The following PIP4K2C variants were observed in gnomAD, a reference collection of about 807,000 sequenced individuals.
The protein encoded by PIP4K2C is phosphatidylinositol-5-phosphate 4-kinase type 2 gamma, also known as phosphatidylinositol 5-phosphate 4-kinase type-2 gamma.
Under a neutral mutation model 45.0 loss-of-function variants are expected in PIP4K2C, and 21 were observed. The observed-to-expected ratio is 0.47, with a 90% confidence interval of 0.33 to 0.67. PIP4K2C has a LOEUF of 0.67. PIP4K2C is among the 30% of genes least tolerant of loss of function. The probability of loss-of-function intolerance (pLI) is 0.02; values close to 1 mark genes in which losing one functional copy is unlikely to be tolerated. For synonymous variants in PIP4K2C, 201 were observed against 204.8 expected (o/e 0.98, Z 0.16); for missense variants, 456 against 542.8 (o/e 0.84, Z 1.59).
At chr12:57,597,186 ATG>A (rs1375902902) in intron 4 of PIP4K2C, among the ~76,000 whole-genome samples, 1 of 152,220 alleles carries the variant, frequency 6.6e-6, no homozygotes, top group African/African-American at 2.4e-5. Flanking sequence ...TATTTAGAAA[ATG>A]TGACAGCGTT....
chr12:57,598,091 T>G (rs1883267685), intron 4 of PIP4K2C: 1 of 152,190 alleles, frequency 6.6e-6, no homozygotes, highest in Non-Finnish European at 1.5e-5. Flanking sequence ...ATTTTTGTTT[T>G]TTAGAGACAG....
intron 2 of PIP4K2C, 102 bp downstream of exon 2, chr12:57,594,224 A>C: frequency 3.3e-6 from 3 of 917,028 alleles, no homozygotes; most frequent in South Asian, 1.7e-5. Context: ...TCCTTCCCAA[A>C]TGCAGAAATT....
intron 2 of PIP4K2C, 73 bp downstream of exon 2, chr12:57,594,195 G>T (rs936881166): frequency 2.4e-6 from 3 of 1,254,586 alleles, no homozygotes; most frequent in Admixed American, 2.6e-5. Context: ...AAAAGTTTCA[G>T]TGAGTTGAAA....
At chr12:57,597,125 T>G (rs531504365) in intron 4 of PIP4K2C, among the ~76,000 whole-genome samples, 35 of 152,280 alleles carry the variant, frequency 2.3e-4, no homozygotes, top group Admixed American at 1.8e-3. Context: ...AGTTTGGACT[T>G]TATCCTGAAG....
Position 57,595,135 on chromosome 12 carries a change from G to C in PIP4K2C, c.282G>C (p.Leu94=). Residue 94 remains leucine, a synonymous_variant, in exon 3 of 10, where the codon CTG becomes CTC. Transcript: ENST00000354947. ...VNNHLFHREN[L]PSHFKFKEYC... Reference sequence around the variant, plus strand: ...AAAACCTGAATTTCAGGGAAAATCTGCCCAGTCATTTCAAGTTCAAGGAGT... The same window carrying C: ...AAAACCTGAATTTCAGGGAAAATCTCCCCAGTCATTTCAAGTTCAAGGAGT... The C allele has an allele frequency of 6.2e-7, 1 of 1,602,890 alleles. No homozygotes were observed. The highest frequency in any genetic ancestry group is 1.1e-5 in the South Asian group (1 of 90,796).
At position 57,600,949 on chromosome 12, in the gene PIP4K2C, C is replaced by A; in HGVS notation, c.952C>A (p.Pro318Thr). ...GGATGGGGACTGCAGCCTGACTGGA[C>A]CTCCTGCTCTGGTGGGCTCCTATGG... is the stretch of plus-strand genomic sequence containing the variant. Reference protein sequence around the residue: ...EVDGDCSLTGPPALVGSYGTS... With the variant: ...EVDGDCSLTGTPALVGSYGTS... The change falls in exon 8 of 10, where the codon CCT (proline) becomes ACT (threonine). Residue 318 changes from proline to threonine, a missense_variant. Coordinates refer to ENST00000354947, the MANE Select transcript of PIP4K2C (RefSeq NM_024779.5). The A allele has an allele frequency of 1.9e-6, 3 of 1,614,206 alleles. No individual in the cohort carries two copies. Among genetic ancestry groups the A allele is most frequent in the Non-Finnish European group, 2.5e-6 (3 of 1,180,048 alleles).
rs750325477 is a variant in PIP4K2C at position 57,595,944 on chromosome 12, T to C, written c.426T>C (p.Leu142=). Reference sequence around the variant, plus strand: ...GTGAAGGCAGTGATGGTCGCTTCCTTATCTCCTACGATCGGACTCTGGTCA... The same window carrying C: ...GTGAAGGCAGTGATGGTCGCTTCCTCATCTCCTACGATCGGACTCTGGTCA... ...SESEGSDGRF[L]ISYDRTLVIK... The change falls in exon 4 of 10, where the codon CTT becomes CTC. Residue 142 remains leucine (L), a synonymous_variant. Coordinates refer to ENST00000354947, the MANE Select transcript of PIP4K2C (RefSeq NM_024779.5). 2.5e-6 allele frequency: 4 copies of C among 1,613,930 alleles called. No homozygotes were observed. In the African/African-American group the frequency reaches 4.0e-5, roughly 16 times the overall value.
At position 57,601,546 on chromosome 12, in the gene PIP4K2C, T is replaced by C; in HGVS notation, c.1206T>C (p.Thr402=). The change falls in exon 10 of 10, where the codon ACT becomes ACC. Residue 402 remains threonine (T), a synonymous_variant. Transcript: ENST00000354947. ...VKHGAGAEIS[T]VHPEQYAKRF... is the part of the protein sequence containing the mutation. ...CACAGGCTGGGGCAGAGATCTCTAC[T>C]GTCCATCCGGAGCAGTATGCTAAGC... 6.2e-7 allele frequency: 1 copy of C among 1,613,452 alleles called. No homozygotes were observed. The highest frequency in any genetic ancestry group is 8.5e-7 in the Non-Finnish European group (1 of 1,179,384).
At chr12:57,592,658 C>T (rs565999670) in intron 1 of PIP4K2C, among the ~76,000 whole-genome samples, 1 of 152,068 alleles carries the variant, frequency 6.6e-6, no homozygotes, top group Non-Finnish European at 1.5e-5. Flanking sequence ...GGATGCTTAA[C>T]AGGGAGGGTT....
chr12:57,601,255 G>A lies in PIP4K2C; in HGVS notation c.1092G>A (p.Gln364=), dbSNP rs768441532. ...TGGTCTCTCTCCCAGGAGCCCCCCA[G>A]AAGGAGGTCTACTTCATGGGCCTCA... is the stretch of plus-strand genomic sequence containing the variant. ...YAIRSAEGAP[Q]KEVYFMGLID... is the part of the protein sequence containing the mutation. The change falls in exon 9 of 10, where the codon CAG becomes CAA. Residue 364 remains glutamine, a synonymous_variant. Coordinates refer to ENST00000354947, the MANE Select transcript of PIP4K2C (RefSeq NM_024779.5). 1.2e-6 allele frequency: 2 copies of A among 1,612,754 alleles called. No individual in the cohort carries two copies. The highest frequency in any genetic ancestry group is 1.7e-5 in the Admixed American group (1 of 59,914).
intron 2 of PIP4K2C, among the ~76,000 whole-genome samples, chr12:57,594,618 A>G (rs1883109374): frequency 6.6e-6 from 1 of 152,210 alleles, no homozygotes; most frequent in Non-Finnish European, 1.5e-5. Flanking sequence ...TAGGCAGGTC[A>G]CTGAATCACT....
chr12:57,593,352 C>G (rs565207046), intron 1 of PIP4K2C, among the ~76,000 whole-genome samples: 1 of 152,206 alleles, frequency 6.6e-6, no homozygotes, highest in South Asian at 2.1e-4. Flanking sequence ...ATGCTTGTGT[C>G]CTTTGGGCTG....
Position 57,600,964 on chromosome 12 carries a change from G to T in PIP4K2C, c.967G>T (p.Gly323Cys). 1 of 1,614,212 alleles carries T rather than the reference G, an allele frequency of 6.2e-7. No individual in the cohort carries two copies. The highest frequency in any genetic ancestry group is 8.5e-7 in the Non-Finnish European group (1 of 1,180,054). ...CSLTGPPALV[G>C]SYGTSPEGIG... Reference sequence around the variant, plus strand: ...CCTGACTGGACCTCCTGCTCTGGTGGGCTCCTATGGCACCTCCCCAGAGGG... The same window carrying T: ...CCTGACTGGACCTCCTGCTCTGGTGTGCTCCTATGGCACCTCCCCAGAGGG... The change falls in exon 8 of 10, where the codon GGC becomes TGC. Residue 323 changes from glycine to cysteine, a missense_variant. By Grantham distance (159) the Gly-to-Cys change is radical. Around this residue, in one of 2 missense-constraint regions of PIP4K2C, gnomAD observed 421 missense variants for 473.1 expected, o/e 0.89. Transcript: ENST00000354947.
In PIP4K2C at chr12:57,600,431, T is replaced by C; in HGVS notation, c.807T>C (p.Asp269=). The C allele has an allele frequency of 6.3e-7, 1 of 1,593,074 alleles. No homozygotes were observed. Among genetic ancestry groups the C allele is most frequent in the African/African-American group, 1.3e-5 (1 of 74,506 alleles). ...TATTTCTGGAGAAGCTGAAGAGAGA[T>C]GTGGAGGTGATGATTGGGTGCTCTG... ...KKIFLEKLKR[D]VEFLVQLKIM... is the part of the protein sequence containing the mutation. Residue 269 remains aspartate, a synonymous_variant, in exon 7 of 10, where the codon GAT becomes GAC. Transcript: ENST00000354947.
chr12:57,595,325 A>G lies in PIP4K2C; in HGVS notation c.369+103A>G, dbSNP rs528967693. ...GAGAAATGAGAGTCTTGGCAAATAT[A>G]ATTCTTTACCTTTTTGTGATTGCAG... On this transcript the variant is annotated intron_variant, in intron 3 of 9. Transcript: ENST00000354947. 6.3e-6 allele frequency: 5 copies of G among 787,662 alleles called. No individual in the cohort carries two copies. In the East Asian group the frequency reaches 1.2e-4, roughly 20 times the overall value. 48.8% of individuals were successfully genotyped at this position (787,662 alleles called of 1,614,324 possible). A position where few individuals can be genotyped will look rare whatever the true frequency, so the allele number is the denominator to read the frequency against.
Position 57,599,121 on chromosome 12 carries a change from AG to A in PIP4K2C, c.571del (p.Val191SerfsTer12). The A allele has an allele frequency of 6.2e-7, 1 of 1,614,160 alleles. No homozygotes were observed. The highest frequency in any genetic ancestry group is 1.1e-5 in the South Asian group (1 of 91,088). On this transcript the variant is annotated frameshift_variant, in exon 5 of 10. Coordinates refer to ENST00000354947, the MANE Select transcript of PIP4K2C (RefSeq NM_024779.5). LOFTEE classifies it high-confidence loss of function. Reference sequence around the variant, plus strand: ...TGCCCCAGTTCCTGGGGATGTACCGAGTCAGTGTGGACAACGAAGACAGCTA... The same window carrying A: ...TGCCCCAGTTCCTGGGGATGTACCGATCAGTGTGGACAACGAAGACAGCTA... ...LLPQFLGMYR[V>X]SVDNEDSYML...
At chr12:57,595,765 T>C in intron 3 of PIP4K2C, 123 bp from the exon 4 acceptor site, 1 of 1,050,462 alleles carries the variant, frequency 9.5e-7, no homozygotes, top group South Asian at 1.5e-5. Flanking sequence ...GGACACCTGA[T>C]GAGGAACTGT....
chr12:57,594,512 T>C (rs1883105182), intron 2 of PIP4K2C, among the ~76,000 whole-genome samples: 1 of 152,192 alleles, frequency 6.6e-6, no homozygotes, highest in South Asian at 2.1e-4. Context: ...TTGCTGACTT[T>C]AGAATGCTTC....
intron 6 of PIP4K2C, 119 bp from the exon 7 acceptor site, chr12:57,600,205 T>A (rs1355856049): frequency 3.4e-6 from 2 of 587,552 alleles, no homozygotes; most frequent in East Asian, 5.9e-5. Context: ...CAGGGAAGCA[T>A]CACAGTGTGG....
Sources: allele counts gnomAD v4.1 joint callset (sites outside exome capture counted in the v4.1 genomes callset), GRCh38; gene constraint gnomAD v4.1.1; regional missense constraint gnomAD v4.1.1; transcripts MANE v1.5; gene names NCBI Gene and HGNC (gene_info 2026-07-23, HGNC 2026-07-21).